Variants in PPP3CA observed in about 807,000 individuals in gnomAD.
The protein encoded by PPP3CA is CAM-PRP catalytic subunit.
In PPP3CA, 14 loss-of-function variants were observed where a neutral mutation model predicts 66.5. The observed-to-expected ratio is 0.21, with a 90% CI of 0.14 to 0.33. The LOEUF (loss-of-function observed/expected upper bound fraction) is 0.33. Ranked by LOEUF, PPP3CA falls within the 10% of genes least tolerant of loss-of-function variation. The pLI is 1.00. For missense variants in PPP3CA, 317 were observed against 639.5 expected, an observed-to-expected ratio of 0.50 and a Z score of 5.44; for synonymous variants, 232 against 226.2, an observed-to-expected ratio of 1.03 and a Z score of -0.23.
intron 2 of PPP3CA, among the ~76,000 whole-genome samples, chr4:101,136,848 CA>C (rs1722639256): frequency 6.6e-6 from 1 of 151,964 alleles, no homozygotes; most frequent in Non-Finnish European, 1.5e-5. Context: ...TGTTTTTGAA[CA>C]ATAACATTTA....
rs1729393256 is a variant in PPP3CA at position 101,080,593 on chromosome 4, G to C, written c.894C>G (p.Gly298=). ...YRMYRKSQTT[G]FPSLITIFSA... is the part of the protein sequence containing the mutation. ...AAAAAATTGTAATTAGAGAAGGGAA[G>C]CCTGTTGTTTGGCTTTTCCTGTACA... The change falls in exon 8 of 14, where the codon GGC becomes GGG. Residue 298 remains glycine (G), a synonymous_variant. Coordinates refer to ENST00000394854, the MANE Select transcript of PPP3CA (RefSeq NM_000944.5). 3 of 1,529,438 alleles carry C rather than the reference G, an allele frequency of 2.0e-6. No homozygotes were observed. The highest frequency in any genetic ancestry group is 2.7e-6 in the Non-Finnish European group (3 of 1,125,926). 94.7% of individuals were successfully genotyped at this position (1,529,438 alleles called of 1,614,324 possible). A position where few individuals can be genotyped will look rare whatever the true frequency, so the allele number is the denominator to read the frequency against.
At chr4:101,201,109 A>T (rs935823488) in intron 1 of PPP3CA, among the ~76,000 whole-genome samples, 6 of 152,188 alleles carry the variant, frequency 3.9e-5, no homozygotes, top group Non-Finnish European at 7.4e-5. Context: ...ATATTGGGCT[A>T]AATAAAATTT....
intron 1 of PPP3CA, among the ~76,000 whole-genome samples, chr4:101,288,556 G>A (rs947045648): frequency 2.6e-5 from 4 of 151,284 alleles, no homozygotes; most frequent in African/African-American, 9.8e-5. Context: ...GGGAGGGGGA[G>A]GGGAGTGGTC....
intron 1 of PPP3CA, among the ~76,000 whole-genome samples, chr4:101,262,529 T>C (rs143209745): frequency 6.2e-4 from 94 of 152,288 alleles, no homozygotes; most frequent in African/African-American, 1.9e-3. Flanking sequence ...CACTTCATAT[T>C]GTAAAGGCTA....
chr4:101,093,461 G>A (rs1206130927), intron 6 of PPP3CA, among the ~76,000 whole-genome samples: 2 of 150,678 alleles, frequency 1.3e-5, no homozygotes, highest in African/African-American at 4.9e-5. Flanking sequence ...ACAGTATAGT[G>A]TAAACATAAC....
chr4:101,137,979 C>G (rs972708889), intron 2 of PPP3CA, among the ~76,000 whole-genome samples: 4 of 151,172 alleles, frequency 2.6e-5, no homozygotes, highest in Non-Finnish European at 5.9e-5. Context: ...TTATATAAAA[C>G]AGGTCACTAA....
At chr4:101,106,426 AAAG>A (rs1313019690) in intron 3 of PPP3CA, among the ~76,000 whole-genome samples, 302 of 13,464 alleles carry the variant, frequency 0.022, 91 homozygotes, top group African/African-American at 0.066. Context: ...AGAAAGAAAG[AAAG>A]AAAGAAAGAA....
At chr4:101,215,308 C>G (rs1275587970) in intron 1 of PPP3CA, among the ~76,000 whole-genome samples, 2 of 151,910 alleles carry the variant, frequency 1.3e-5, no homozygotes, top group Non-Finnish European at 2.9e-5. Flanking sequence ...TTCAGCTAGC[C>G]AAAGGCATTA....
chr4:101,239,011 C>CTGAATTTAATTTGT (rs1338725256), intron 1 of PPP3CA, among the ~76,000 whole-genome samples: 2 of 152,162 alleles, frequency 1.3e-5, no homozygotes, highest in Admixed American at 1.3e-4. Flanking sequence ...TTAATTTCCT[C>CTGAATTTAATTTGT]CATCTACAAA....
chr4:101,072,395 T>C lies in PPP3CA; in HGVS notation c.955+8137A>G, dbSNP rs115674167. ...AGAAGAGTACAGACAGAGGTTAATA[T>C]ATGGGCATGTGGGCTCTGCAGTCAG... is the stretch of plus-strand genomic sequence containing the variant. On this transcript the variant is annotated intron_variant, in intron 8 of 13. Transcript: ENST00000394854. Among the ~76,000 whole-genome samples, 1,123 of 152,262 alleles carry C rather than the reference T, an allele frequency of 7.4e-3. 10 individuals carry two copies. The highest frequency in any genetic ancestry group is 0.011 in the Non-Finnish European group (747 of 68,014).
intron 1 of PPP3CA, among the ~76,000 whole-genome samples, chr4:101,302,708 A>T (rs1458125384): frequency 6.6e-6 from 1 of 152,166 alleles, no homozygotes; most frequent in Non-Finnish European, 1.5e-5. Flanking sequence ...AATCTAAAAA[A>T]CCAGTTAATT....
In PPP3CA at chr4:101,284,789, T is replaced by C. The variant is rs573585959; in HGVS notation, c.58+61950A>G. On this transcript the variant is annotated intron_variant, in intron 1 of 13. Transcript: ENST00000394854. ...ACTTTCAAATCTGGGAGCAACTACA[T>C]TTTTTGTTTTAATTTTTATTTTTCA... Among the ~76,000 whole-genome samples the C allele has an allele frequency of 2.0e-5, 3 of 152,296 alleles. No homozygotes were observed. In the South Asian group the frequency reaches 6.2e-4, roughly 32 times the overall value.
At chr4:101,261,057 C>A (rs1179218141) in intron 1 of PPP3CA, among the ~76,000 whole-genome samples, 1 of 152,124 alleles carries the variant, frequency 6.6e-6, no homozygotes, top group Admixed American at 6.6e-5. Context: ...AACATCATCA[C>A]TAACTTCTGT....
chr4:101,306,218 A>T (rs1179775636), intron 1 of PPP3CA, among the ~76,000 whole-genome samples: 1 of 152,118 alleles, frequency 6.6e-6, no homozygotes, highest in Non-Finnish European at 1.5e-5. Context: ...CTAAGCGCAT[A>T]TGGGGGCAGC....
chr4:101,304,192 CTT>C (rs1248467073), intron 1 of PPP3CA, among the ~76,000 whole-genome samples: 1 of 152,082 alleles, frequency 6.6e-6, no homozygotes, highest in East Asian at 1.9e-4. Context: ...GTAATAGTCT[CTT>C]ATGTTTTTTC....
chr4:101,027,816 G>A (rs899405904), intron 13 of PPP3CA, among the ~76,000 whole-genome samples: 38 of 152,130 alleles, frequency 2.5e-4, no homozygotes, highest in African/African-American at 8.7e-4. Flanking sequence ...CTTCTGGAAT[G>A]GGGCTCCATT....
At chr4:101,214,290 T>C (rs1230342204) in intron 1 of PPP3CA, among the ~76,000 whole-genome samples, 1 of 125,926 alleles carries the variant, frequency 7.9e-6, no homozygotes, top group African/African-American at 5.7e-5. Context: ...TGCCTGAGTG[T>C]CCTCATCTGT....
At chr4:101,251,062 A>C (rs1322541588) in intron 1 of PPP3CA, among the ~76,000 whole-genome samples, 1 of 152,078 alleles carries the variant, frequency 6.6e-6, no homozygotes, top group African/African-American at 2.4e-5. Flanking sequence ...TGACACAAAG[A>C]AAATTTTCAT....
intron 1 of PPP3CA, among the ~76,000 whole-genome samples, chr4:101,306,769 A>G (rs556066973): frequency 2.9e-4 from 44 of 152,292 alleles, no homozygotes; most frequent in African/African-American, 8.9e-4. Context: ...CAAAAAAACC[A>G]AATGCAACTC....
Sources: gnomAD v4.1 joint callset for allele counts (sites outside exome capture counted in the v4.1 genomes callset) on GRCh38, gnomAD v4.1.1 for gene constraint, MANE v1.5 for transcripts, NCBI Gene and HGNC (gene_info 2026-07-23, HGNC 2026-07-21) for gene names.